EPHA3: variants seen among roughly 807,000 people sequenced by gnomAD.
EPHA3 encodes the protein ephrin type-A receptor 3.
Under a neutral mutation model 107.1 loss-of-function variants are expected in EPHA3, and 42 were observed. The ratio of observed to expected loss-of-function variants is 0.39; its 90% CI spans 0.31 to 0.51. The LOEUF is 0.51. EPHA3 is among the 20% of genes least tolerant of loss of function. The probability of loss-of-function intolerance (pLI) is 0.78; values close to 1 mark genes in which losing one functional copy is unlikely to be tolerated. For synonymous variants in EPHA3, 461 were observed against 424.8 expected (o/e 1.09, Z -1.05); for missense variants, 1,183 against 1,211.2 (o/e 0.98, Z 0.35).
At chr3:89,341,666 C>T (rs1576321995) in intron 4 of EPHA3, 89 bp from the exon 5 acceptor site, 3 of 1,024,656 alleles carry the variant, frequency 2.9e-6, no homozygotes, top group Non-Finnish European at 4.3e-6. Context: ...TAGTTATTTA[C>T]CTCATTCAGT....
At chr3:89,474,412 A>G (rs1710466288) in intron 16 of EPHA3, among the ~76,000 whole-genome samples, 1 of 152,182 alleles carries the variant, frequency 6.6e-6, no homozygotes, top group Admixed American at 6.5e-5. Flanking sequence ...GTCTCAGGAT[A>G]TAGTCATGTG....
intron 15 of EPHA3, among the ~76,000 whole-genome samples, chr3:89,451,038 T>A (rs1000752561): frequency 3.3e-5 from 5 of 152,328 alleles, no homozygotes; most frequent in South Asian, 2.1e-4. Context: ...AATGCAAATT[T>A]TCCCCAGTTA....
intron 5 of EPHA3, among the ~76,000 whole-genome samples, chr3:89,393,659 T>C (rs1202883975): frequency 2.0e-5 from 3 of 152,156 alleles, no homozygotes; most frequent in Non-Finnish European, 4.4e-5. Context: ...GCAGAAAAAT[T>C]AGTAGATTTC....
chr3:89,420,035 T>A (rs753295686), intron 11 of EPHA3, among the ~76,000 whole-genome samples: 42 of 151,500 alleles, frequency 2.8e-4, no homozygotes, highest in Non-Finnish European at 4.3e-4. Flanking sequence ...CTCCAGCAGG[T>A]CTCAAAAGGG....
chr3:89,109,499 T>C lies in EPHA3; in HGVS notation c.88+1663T>C, dbSNP rs183121417. On this transcript the variant is annotated intron_variant, in intron 1 of 16. Transcript: ENST00000336596. ...TTCCAGATAGAATGGTTATGAACTA[T>C]GTAGATATGGATATTACTGAATTAA... 2.0e-4 allele frequency among the ~76,000 whole-genome samples: 30 copies of C among 152,126 alleles called. No homozygotes were observed. In the East Asian group the frequency reaches 4.8e-3, roughly 24 times the overall value.
chr3:89,426,258 TA>T (rs1393909323), intron 11 of EPHA3, among the ~76,000 whole-genome samples: 2 of 151,744 alleles, frequency 1.3e-5, no homozygotes, highest in Non-Finnish European at 3.0e-5. Context: ...TGGCATTTTA[TA>T]AATAATTTCC....
chr3:89,202,530 AAAAAATATATAT>A (rs1271974850), intron 2 of EPHA3, among the ~76,000 whole-genome samples: 368 of 27,366 alleles, frequency 0.013, no homozygotes, highest in African/African-American at 0.022. Context: ...AAAAAAAAAA[AAAAAATATATAT>A]ATATATATAT....
At chr3:89,259,004 G>A (rs1217557609) in intron 3 of EPHA3, among the ~76,000 whole-genome samples, 6 of 152,000 alleles carry the variant, frequency 3.9e-5, no homozygotes, top group Non-Finnish European at 8.8e-5. Context: ...TTAGTTTATT[G>A]AATTGTACCA....
chr3:89,235,544 A>G (rs2107233354), intron 3 of EPHA3, among the ~76,000 whole-genome samples: 1 of 152,162 alleles, frequency 6.6e-6, no homozygotes, highest in South Asian at 2.1e-4. Flanking sequence ...TGCATGTAAG[A>G]GTGATGTTAT....
chr3:89,324,144 T>C lies in EPHA3; in HGVS notation c.815-16772T>C, dbSNP rs1004632732. Among the ~76,000 whole-genome samples the C allele has an allele frequency of 6.6e-5, 10 of 151,590 alleles. 1 individual carries two copies. In the East Asian group the frequency reaches 7.8e-4, roughly 12 times the overall value. ...TTCCCAACTGCTCAATGTGGAACTT[T>C]AGATGTCAGTCTTTTTTTTTTTTTT... is the stretch of plus-strand genomic sequence containing the variant. On this transcript the variant is annotated intron_variant, in intron 3 of 16. Transcript: ENST00000336596.
At chr3:89,219,871 G>T (rs2107203922) in intron 3 of EPHA3, among the ~76,000 whole-genome samples, 1 of 148,350 alleles carries the variant, frequency 6.7e-6, no homozygotes, top group South Asian at 2.2e-4. Flanking sequence ...ACTACGCCCG[G>T]CTAATTTTTT....
chr3:89,434,325 C>T (rs1709624627), intron 13 of EPHA3, among the ~76,000 whole-genome samples: 1 of 152,152 alleles, frequency 6.6e-6, no homozygotes, highest in South Asian at 2.1e-4. Context: ...TCAAGCAACT[C>T]TCATGCCTCA....
intron 5 of EPHA3, among the ~76,000 whole-genome samples, chr3:89,369,613 A>C (rs1708252258): frequency 6.7e-6 from 1 of 149,826 alleles, no homozygotes; most frequent in African/African-American, 2.5e-5. Context: ...CTTCATGTCT[A>C]AATCACCAAA....
At chr3:89,281,265 ACCACCT>A (rs1228719163) in intron 3 of EPHA3, among the ~76,000 whole-genome samples, 1 of 152,034 alleles carries the variant, frequency 6.6e-6, no homozygotes, top group Non-Finnish European at 1.5e-5. Flanking sequence ...GCTCAGGCAA[ACCACCT>A]GCCTTGGCCT....
At chr3:89,127,011 A>C (rs1166507363) in intron 1 of EPHA3, among the ~76,000 whole-genome samples, 198 bp from the exon 2 acceptor site, 1 of 151,882 alleles carries the variant, frequency 6.6e-6, no homozygotes, top group African/African-American at 2.4e-5. Flanking sequence ...TTAAAAGGAC[A>C]CAGAAACTTT....
At chr3:89,355,265 AGTAG>A (rs1355831669) in intron 5 of EPHA3, among the ~76,000 whole-genome samples, 22 of 151,344 alleles carry the variant, frequency 1.5e-4, no homozygotes, top group African/African-American at 5.3e-4. Context: ...TGGGCCTCAG[AGTAG>A]GTCAGAACTA....
chr3:89,355,693 A>G (rs1297503410), intron 5 of EPHA3, among the ~76,000 whole-genome samples: 11 of 150,812 alleles, frequency 7.3e-5, no homozygotes, highest in Admixed American at 1.3e-4. Flanking sequence ...AAATAAAATG[A>G]GAGAGCATTT....
chr3:89,357,915 A>G (rs1708001858), intron 5 of EPHA3, among the ~76,000 whole-genome samples: 1 of 151,300 alleles, frequency 6.6e-6, no homozygotes, highest in African/African-American at 2.4e-5. Flanking sequence ...CTGCTTTTAC[A>G]AATTCTTATT....
chr3:89,449,383 TTG>T lies in EPHA3; in HGVS notation c.2496+12_2496+13del. The T allele has an allele frequency of 6.3e-7, 1 of 1,581,934 alleles. No individual in the cohort carries two copies. The highest frequency in any genetic ancestry group is 8.6e-7 in the Non-Finnish European group (1 of 1,158,456). The stretch of plus-strand genomic sequence containing the variant: ...AGATGTCCAATCAGGATGTAAGTAT[TTG>T]TGGTCTATGAGTTATGAGTTCAGAT... On this transcript the variant is annotated intron_variant, in intron 14 of 16. Transcript: ENST00000336596.
Sources: allele counts gnomAD v4.1 joint callset (sites outside exome capture counted in the v4.1 genomes callset), GRCh38; gene constraint gnomAD v4.1.1; transcripts MANE v1.5; gene names NCBI Gene and HGNC (gene_info 2026-07-23, HGNC 2026-07-21).